Variants in VPS50 observed in about 807,000 individuals in gnomAD.
The protein encoded by VPS50 is VPS50 subunit of EARP/GARPII complex.
A neutral mutation model predicts 139.7 loss-of-function variants in VPS50; 70 were observed. The ratio of observed to expected loss-of-function variants is 0.50; its 90% CI spans 0.41 to 0.61. The LOEUF (loss-of-function observed/expected upper bound fraction) is 0.61, where lower values mean the gene tolerates loss of function less well. Ranked by LOEUF, VPS50 falls within the 20% of genes least tolerant of loss-of-function variation. The pLI, the probability that VPS50 is intolerant of heterozygous loss-of-function variation, is 0.00. For missense variants in VPS50, 921 were observed against 1,133.7 expected (o/e 0.81, Z 2.69); for synonymous variants, 365 against 376.7 (o/e 0.97, Z 0.36).
At chr7:93,326,688 C>A (rs953821040) in intron 21 of VPS50, among the ~76,000 whole-genome samples, 3 of 151,828 alleles carry the variant, frequency 2.0e-5, no homozygotes, top group Non-Finnish European at 4.4e-5. Context: ...TAATTTGATA[C>A]TTTAAAATTA....
At chr7:93,276,424 A>C in intron 12 of VPS50, 119 bp downstream of exon 12, 3 of 1,326,800 alleles carry the variant, frequency 2.3e-6, no homozygotes, top group Non-Finnish European at 2.9e-6. Flanking sequence ...AATCTTTGCC[A>C]AAAATTTTTT....
At chr7:93,290,094 C>A (rs928046892) in intron 12 of VPS50, among the ~76,000 whole-genome samples, 1 of 151,910 alleles carries the variant, frequency 6.6e-6, no homozygotes, top group Non-Finnish European at 1.5e-5. Flanking sequence ...TATTTGTATA[C>A]AAATGCCATT....
chr7:93,276,020 T>C lies in VPS50; in HGVS notation c.802-145T>C. 4.2e-6 allele frequency: 3 copies of C among 721,188 alleles called. No homozygotes were observed. The South Asian group carries it at 7.0e-5, about 17-fold the overall frequency. 44.7% of individuals were successfully genotyped at this position (721,188 alleles called of 1,614,324 possible). On this transcript the variant is annotated intron_variant, in intron 11 of 27. Transcript: ENST00000305866. Reference sequence around the variant, plus strand: ...TTTGCAAATAATATACCCAGTATAATTTTCCCAGTATAATTCTGGGAAAAC... The same window carrying C: ...TTTGCAAATAATATACCCAGTATAACTTTCCCAGTATAATTCTGGGAAAAC...
At chr7:93,268,417 A>G (rs554168263) in intron 9 of VPS50, among the ~76,000 whole-genome samples, 1 of 152,150 alleles carries the variant, frequency 6.6e-6, no homozygotes, top group South Asian at 2.1e-4. Context: ...TGCTGCACCT[A>G]TCAACCTATC....
At chr7:93,307,145 C>T (rs904013772) in intron 18 of VPS50, among the ~76,000 whole-genome samples, 2 of 151,826 alleles carry the variant, frequency 1.3e-5, no homozygotes, top group Non-Finnish European at 2.9e-5. Flanking sequence ...AATACTGAAC[C>T]ATTACTCCCA....
At chr7:93,251,283 C>T (rs950248546) in intron 2 of VPS50, among the ~76,000 whole-genome samples, 1 of 152,074 alleles carries the variant, frequency 6.6e-6, no homozygotes, top group Admixed American at 6.5e-5. Context: ...ACCCAAATGC[C>T]CATCAAGGAT....
chr7:93,282,077 G>A (rs985413242), intron 12 of VPS50, among the ~76,000 whole-genome samples: 1 of 151,824 alleles, frequency 6.6e-6, no homozygotes, highest in Non-Finnish European at 1.5e-5. Flanking sequence ...GGTGGCGGGC[G>A]CTTGTAGTCC....
chr7:93,290,802 T>C (rs2188403), intron 12 of VPS50, among the ~76,000 whole-genome samples: 11,540 of 151,980 alleles, frequency 0.076, 485 homozygotes, highest in East Asian at 0.19. Context: ...GAGATCATTA[T>C]GGGAAGAAAA....
rs1325726921 is a variant in VPS50 at position 93,323,457 on chromosome 7, CTACTGAG to C, written c.1856-149_1856-143del. On this transcript the variant is annotated intron_variant, in intron 20 of 27. Transcript: ENST00000305866. ...TGCAATAGCCATTAGCCACATGAAA[CTACTGAG>C]TACTTGAGACATGGCTACTGTGAGG... The C allele has an allele frequency of 4.5e-5, 11 of 246,576 alleles. No individual in the cohort carries two copies. In the Admixed American group the frequency reaches 5.9e-4, roughly 13 times the overall value. The allele number at this position is 246,576 out of a possible 1,614,324, so 15.3% of individuals were successfully genotyped here.
At chr7:93,309,809 A>G (rs1055834206) in intron 19 of VPS50, among the ~76,000 whole-genome samples, 1 of 151,978 alleles carries the variant, frequency 6.6e-6, no homozygotes, top group Non-Finnish European at 1.5e-5. Flanking sequence ...CATGACTATC[A>G]TACATTTAGT....
chr7:93,318,461 T>TA (rs142016156), intron 20 of VPS50, among the ~76,000 whole-genome samples: 4,062 of 152,292 alleles, frequency 0.027, 186 homozygotes, highest in African/African-American at 0.093. Flanking sequence ...CAGTTTGTCT[T>TA]ATGTGCTATT....
chr7:93,349,866 T>G lies in VPS50; in HGVS notation c.2305-9T>G. The G allele has an allele frequency of 6.3e-7, 1 of 1,596,418 alleles. No individual in the cohort carries two copies. The highest frequency in any genetic ancestry group is 8.5e-7 in the Non-Finnish European group (1 of 1,173,104). On this transcript the variant is annotated splice_polypyrimidine_tract_variant and intron_variant, in intron 24 of 27. Transcript: ENST00000305866. ...ATAATTGTTTTCATTTTTGTGAAAT[T>G]TATTTCAGACAGTCTCAACCGCCAG... is the stretch of plus-strand genomic sequence containing the variant.
rs1798803524 is a variant in VPS50 at position 93,360,158 on chromosome 7, C to G, written c.*1722C>G. On this transcript the variant is annotated 3_prime_UTR_variant, in exon 28 of 28. Coordinates refer to ENST00000305866, the MANE Select transcript of VPS50 (RefSeq NM_017667.4). ...AGTTGATGAAGAGCTGCTTATTTTT[C>G]TCTTCTACATGGATTTTATAGTTGG... 6.6e-6 allele frequency: 1 copy of G among 152,006 alleles called. No homozygotes were observed. The highest frequency in any genetic ancestry group is 2.1e-4 in the South Asian group (1 of 4,830). 9.4% of individuals were successfully genotyped at this position (152,006 alleles called of 1,614,324 possible).
Position 93,358,223 on chromosome 7 carries a change from T to C in VPS50, c.2776-94T>C, listed in dbSNP as rs139633008. The C allele has an allele frequency of 5.4e-5, 59 of 1,098,900 alleles. 1 individual carries two copies. Among genetic ancestry groups the C allele is most frequent in the South Asian group, 3.3e-4 (24 of 73,204 alleles). The allele number at this position is 1,098,900 out of a possible 1,614,324, so 68.1% of individuals were successfully genotyped here. A position where few individuals can be genotyped will look rare whatever the true frequency, so the allele number is the denominator to read the frequency against. On this transcript the variant is annotated intron_variant, in intron 27 of 27. Coordinates refer to ENST00000305866, the MANE Select transcript of VPS50 (RefSeq NM_017667.4). ...ACTGGTTTATAATGCTCAGTAACTA[T>C]CCACTGCACCTGAATATCCGCCTGT... is the stretch of plus-strand genomic sequence containing the variant.
Position 93,296,734 on chromosome 7 carries a change from C to T in VPS50, c.1168-8C>T. ...GTTTGCTTGATTTTCTTTTTCTTTG[C>T]CTTACAGGATGTTCAGCTAAAAGTA... On this transcript the variant is annotated splice_region_variant and splice_polypyrimidine_tract_variant and intron_variant, in intron 14 of 27. Coordinates refer to ENST00000305866, the MANE Select transcript of VPS50 (RefSeq NM_017667.4). 1 of 1,599,564 alleles carries T rather than the reference C, an allele frequency of 6.3e-7. No individual in the cohort carries two copies. Among genetic ancestry groups the T allele is most frequent in the Non-Finnish European group, 8.5e-7 (1 of 1,176,890 alleles).
intron 12 of VPS50, among the ~76,000 whole-genome samples, chr7:93,283,790 A>G (rs1796400750): frequency 6.6e-6 from 1 of 152,216 alleles, no homozygotes; most frequent in Admixed American, 6.5e-5. Context: ...AGGAATGGAA[A>G]GGAAATATCA....
intron 18 of VPS50, among the ~76,000 whole-genome samples, chr7:93,307,341 C>T (rs536029526): frequency 6.6e-6 from 1 of 152,022 alleles, no homozygotes; most frequent in Non-Finnish European, 1.5e-5. Context: ...CTAGACAGCA[C>T]TTCAACGCAA....
chr7:93,339,330 T>TAAA (rs772980449), intron 22 of VPS50, among the ~76,000 whole-genome samples: 1 of 136,074 alleles, frequency 7.3e-6, no homozygotes, highest in Non-Finnish European at 1.6e-5. Flanking sequence ...AGATAGGAAA[T>TAAA]AAAAAAAAAA....
chr7:93,245,782 C>A (rs1312098055), intron 2 of VPS50, among the ~76,000 whole-genome samples: 1 of 151,844 alleles, frequency 6.6e-6, no homozygotes, highest in Non-Finnish European at 1.5e-5. Context: ...AAAATGCACA[C>A]AGAAACTGAT....
Sources: allele counts gnomAD v4.1 joint callset (sites outside exome capture counted in the v4.1 genomes callset), GRCh38; gene constraint gnomAD v4.1.1; transcripts MANE v1.5; gene names NCBI Gene and HGNC (gene_info 2026-07-23, HGNC 2026-07-21).